The following CLCC1 variants were observed in gnomAD, a reference collection of about 807,000 sequenced individuals.
CLCC1 encodes the protein chloride channel CLIC-like protein 1.
CLCC1 carries 39 observed loss-of-function variants against 63.3 expected under a neutral mutation model. The observed-to-expected ratio is 0.62, with a 90% CI of 0.48 to 0.81. CLCC1 has a LOEUF of 0.81. Ranked by LOEUF, CLCC1 falls within the 30% of genes least tolerant of loss-of-function variation. The probability of loss-of-function intolerance (pLI) is 0.00; values close to 1 mark genes in which losing one functional copy is unlikely to be tolerated. For missense variants in CLCC1, 549 were observed against 669.4 expected (o/e 0.82, Z 1.98); for synonymous variants, 217 against 239.8 (o/e 0.90, Z 0.88).
In CLCC1 at chr1:108,931,580, T is replaced by C; in HGVS notation, c.*967A>G. ...ATAGAACTATTTCTCTAATGGCCAA[T>C]GTTTTTTAAGAGTCATAACCTGGAA... On this transcript the variant is annotated 3_prime_UTR_variant, in exon 13 of 13. Coordinates refer to ENST00000369969, the MANE Select transcript of CLCC1 (RefSeq NM_001377458.1). 7.0e-7 allele frequency: 1 copy of C among 1,437,698 alleles called. No homozygotes were observed. The highest frequency in any genetic ancestry group is 9.2e-7 in the Non-Finnish European group (1 of 1,086,556). 89.1% of individuals were successfully genotyped at this position (1,437,698 alleles called of 1,614,324 possible).
chr1:108,949,441 G>A (rs781715629), intron 4 of CLCC1, among the ~76,000 whole-genome samples: 14 of 152,226 alleles, frequency 9.2e-5, no homozygotes, highest in South Asian at 8.3e-4. Context: ...ACTCTTATTC[G>A]TATAAGCTGG....
intron 2 of CLCC1, among the ~76,000 whole-genome samples, chr1:108,953,285 C>A (rs1655444583): frequency 6.6e-6 from 1 of 152,210 alleles, no homozygotes; most frequent in African/African-American, 2.4e-5. Flanking sequence ...GCATTGGAAG[C>A]AATGAAATTA....
Position 108,937,327 on chromosome 1 carries a change from T to C in CLCC1, c.1133A>G (p.Asp378Gly). Residue 378 changes from aspartate to glycine, a missense_variant, in exon 11 of 13, where the codon GAT becomes GGT. By Grantham distance (94) the Asp-to-Gly change is moderately conservative. Coordinates refer to ENST00000369969, the MANE Select transcript of CLCC1 (RefSeq NM_001377458.1). ...ATCAATTTCCTCCTGCCGTCTTCTA[T>C]CCCGTGGCCGAAGTGCCTGGGGAGG... Reference protein sequence around the residue: ...SEPPQALRPRDRRRQEEIDYR... With the variant: ...SEPPQALRPRGRRRQEEIDYR... The C allele has an allele frequency of 6.2e-7, 1 of 1,614,216 alleles. No homozygotes were observed. The highest frequency in any genetic ancestry group is 8.5e-7 in the Non-Finnish European group (1 of 1,180,030).
chr1:108,962,891 T>A (rs552529), intron 1 of CLCC1, among the ~76,000 whole-genome samples: 116,214 of 150,730 alleles, frequency 0.77, 45,071 homozygotes, highest in Middle Eastern at 0.86. Flanking sequence ...AAAAAATCCA[T>A]TTTGGAGGTT....
intron 2 of CLCC1, among the ~76,000 whole-genome samples, chr1:108,958,374 C>T (rs1392527381): frequency 6.6e-6 from 1 of 151,534 alleles, no homozygotes; most frequent in Non-Finnish European, 1.5e-5. Flanking sequence ...TTCCATCCCA[C>T]ATGGGACGAT....
Position 108,930,172 on chromosome 1 carries a change from T to C in CLCC1, c.*2375A>G, listed in dbSNP as rs1052687106. 8.1e-6 allele frequency: 4 copies of C among 492,524 alleles called. No individual in the cohort carries two copies. The highest frequency in any genetic ancestry group is 1.1e-5 in the Non-Finnish European group (3 of 278,916). 30.5% of individuals were successfully genotyped at this position (492,524 alleles called of 1,614,324 possible). On this transcript the variant is annotated 3_prime_UTR_variant, in exon 13 of 13. Transcript: ENST00000369969. ...CATCGTCTGTGATTACTGCTTGGGATGTGTTCTTTGGCAGCTTGTGAGATT... is the reference window on the plus strand; with the variant it reads ...CATCGTCTGTGATTACTGCTTGGGACGTGTTCTTTGGCAGCTTGTGAGATT...
rs777237521 is a variant in CLCC1, at chr1:108,929,930, C to T, written c.*2617G>A. Reference sequence around the variant, plus strand: ...TTTAAAAATTCAGGGAAAAAATCGGCAGACCATTAGTTACTATGGATTTAT... The same window carrying T: ...TTTAAAAATTCAGGGAAAAAATCGGTAGACCATTAGTTACTATGGATTTAT... On this transcript the variant is annotated 3_prime_UTR_variant, in exon 13 of 13. Coordinates refer to ENST00000369969, the MANE Select transcript of CLCC1 (RefSeq NM_001377458.1). 3.7e-6 allele frequency: 6 copies of T among 1,613,244 alleles called. No homozygotes were observed. In the Admixed American group the frequency reaches 1.0e-4, roughly 27 times the overall value.
chr1:108,941,627 TA>T (rs371916059), intron 7 of CLCC1, 129 bp from the exon 8 acceptor site: 40 of 485,558 alleles, frequency 8.2e-5, no homozygotes, highest in South Asian at 2.1e-4. Context: ...AATTTTTAAT[TA>T]AAAAAAAACA....
intron 8 of CLCC1, 132 bp from the exon 9 acceptor site, chr1:108,940,274 G>A: frequency 2.1e-6 from 1 of 481,324 alleles, no homozygotes. Flanking sequence ...TAAGTTTTAA[G>A]TAGACTCCCT....
At chr1:108,959,082 G>A (rs990779088) in intron 2 of CLCC1, among the ~76,000 whole-genome samples, 1 of 152,148 alleles carries the variant, frequency 6.6e-6, no homozygotes, top group Non-Finnish European at 1.5e-5. Context: ...GCTGAGGCAG[G>A]AGAATCACTT....
At chr1:108,951,619 T>C (rs1046374545) in intron 2 of CLCC1, among the ~76,000 whole-genome samples, 7 of 152,136 alleles carry the variant, frequency 4.6e-5, no homozygotes, top group Non-Finnish European at 1.0e-4. Context: ...AGACAGAAAG[T>C]AGATTAACAG....
At chr1:108,949,353 A>ATT (rs369168224) in intron 4 of CLCC1, among the ~76,000 whole-genome samples, 1 of 152,168 alleles carries the variant, frequency 6.6e-6, no homozygotes, top group Admixed American at 6.5e-5. Flanking sequence ...CTTCAGCTAC[A>ATT]TTTTTTTAAG....
Position 108,963,481 on chromosome 1 carries a change from G to T in CLCC1, c.-293C>A, listed in dbSNP as rs1276085241. 2.8e-6 allele frequency: 2 copies of T among 701,796 alleles called. No homozygotes were observed. The highest frequency in any genetic ancestry group is 5.4e-5 in the East Asian group (2 of 37,260). The allele number at this position is 701,796 out of a possible 1,614,324, so 43.5% of individuals were successfully genotyped here. On this transcript the variant is annotated 5_prime_UTR_variant, in exon 1 of 13. Transcript: ENST00000369969. The stretch of plus-strand genomic sequence containing the variant: ...GCTTCCTGGGCCTCGTCATCGAATT[G>T]TTCGGCTGACGGCTGCGTGTCCCTC...
chr1:108,941,986 C>A (rs1204318986), intron 7 of CLCC1, among the ~76,000 whole-genome samples: 2 of 152,142 alleles, frequency 1.3e-5, no homozygotes, highest in Non-Finnish European at 2.9e-5. Context: ...AAAGTACAGC[C>A]TTAATGCAAC....
At chr1:108,936,382 G>A (rs1016952904) in intron 11 of CLCC1, among the ~76,000 whole-genome samples, 2 of 152,118 alleles carry the variant, frequency 1.3e-5, no homozygotes, top group Non-Finnish European at 2.9e-5. Flanking sequence ...GGCGTGAGCC[G>A]CCGCGCCTGG....
chr1:108,934,350 T>C, intron 12 of CLCC1: 1 of 273,652 alleles, frequency 3.7e-6, no homozygotes, highest in South Asian at 8.9e-5. Flanking sequence ...AAATTTCTTT[T>C]TCAATGTCCC....
At position 108,962,831 on chromosome 1, in the gene CLCC1, A is replaced by G. The variant is rs374096312; in HGVS notation, c.-172-362T>C. Among the ~76,000 whole-genome samples, 5 of 148,786 alleles carry G rather than the reference A, an allele frequency of 3.4e-5. No homozygotes were observed. The East Asian group carries it at 7.9e-4, about 23-fold the overall frequency. On this transcript the variant is annotated intron_variant, in intron 1 of 12. Transcript: ENST00000369969. ...GGTTGCCGTGAGCGGAGATAGCACC[A>G]CCGCACTCCAGCCTGGGTGACACAG...
In CLCC1 at chr1:108,931,672, T is replaced by C. The variant is rs1652000157; in HGVS notation, c.*875A>G. On this transcript the variant is annotated 3_prime_UTR_variant, in exon 13 of 13. Transcript: ENST00000369969. ...CTAAATTACAACCTGGATTACATTA[T>C]GTTTCATGTATACTATAAGGTATGA... 3 of 802,626 alleles carry C rather than the reference T, an allele frequency of 3.7e-6. No individual in the cohort carries two copies. The highest frequency in any genetic ancestry group is 5.5e-6 in the Non-Finnish European group (3 of 549,862). The allele number at this position is 802,626 out of a possible 1,614,324, so 49.7% of individuals were successfully genotyped here. A position where few individuals can be genotyped will look rare whatever the true frequency, so the allele number is the denominator to read the frequency against.
chr1:108,960,595 T>C (rs1276902380), intron 2 of CLCC1, among the ~76,000 whole-genome samples: 2 of 152,160 alleles, frequency 1.3e-5, no homozygotes, highest in East Asian at 3.8e-4. Flanking sequence ...GGGTTCTTCA[T>C]AGGCAATGAG....
Sources: allele counts gnomAD v4.1 joint callset (sites outside exome capture counted in the v4.1 genomes callset), GRCh38; gene constraint gnomAD v4.1.1; transcripts MANE v1.5; gene names NCBI Gene and HGNC (gene_info 2026-07-23, HGNC 2026-07-21).